Variants in CDH4 observed in about 807,000 individuals in gnomAD.
CDH4 encodes cadherin 4, also known as cadherin-4.
A neutral mutation model predicts 86.0 loss-of-function variants in CDH4; 33 were observed. The observed-to-expected ratio is 0.38, with a 90% confidence interval of 0.29 to 0.51. The LOEUF (loss-of-function observed/expected upper bound fraction) is 0.51, where lower values mean the gene tolerates loss of function less well. Among genes scored for constraint, CDH4 ranks in the 20% least tolerant of loss-of-function variants. The pLI, the probability that CDH4 is intolerant of heterozygous loss-of-function variation, is 0.86. For synonymous variants in CDH4, 555 were observed against 549.4 expected (o/e 1.01, Z -0.14); for missense variants, 1,114 against 1,307.4 (o/e 0.85, Z 2.28).
intron 7 of CDH4, among the ~76,000 whole-genome samples, chr20:61,874,573 C>CT (rs2146150525): frequency 6.6e-6 from 1 of 152,328 alleles, no homozygotes; most frequent in Non-Finnish European, 1.5e-5. Context: ...GGGCCTGCCT[C>CT]TGCTCTGAAG....
intron 2 of CDH4, among the ~76,000 whole-genome samples, chr20:61,561,221 A>G (rs985337465): frequency 3.3e-5 from 5 of 151,938 alleles, no homozygotes; most frequent in African/African-American, 7.3e-5. Context: ...ACCTCTGTTC[A>G]TGTCCTCTGC....
At chr20:61,313,918 A>G (rs1005982896) in intron 2 of CDH4, among the ~76,000 whole-genome samples, 2 of 152,112 alleles carry the variant, frequency 1.3e-5, no homozygotes, top group South Asian at 4.1e-4. Flanking sequence ...TGTTTTTTGT[A>G]GAGATGGGGT....
intron 2 of CDH4, among the ~76,000 whole-genome samples, chr20:61,452,925 T>G (rs1412792806): frequency 6.6e-6 from 1 of 152,236 alleles, no homozygotes; most frequent in Non-Finnish European, 1.5e-5. Context: ...CCAGTCTGCC[T>G]TCTTATAATA....
In CDH4 at chr20:61,547,708, C is replaced by T. The variant is rs114569060; in HGVS notation, c.170-195855C>T. Among the ~76,000 whole-genome samples the T allele has an allele frequency of 5.0e-3, 768 of 152,302 alleles. 4 individuals carry two copies. The highest frequency in any genetic ancestry group is 0.017 in the African/African-American group (711 of 41,570). ...CCCGAGCTCCTGCCCCTGCAGACAGCGCAGGAGCAGCCTTTTCCCACCTGA... is the reference window on the plus strand; with the variant it reads ...CCCGAGCTCCTGCCCCTGCAGACAGTGCAGGAGCAGCCTTTTCCCACCTGA... On this transcript the variant is annotated intron_variant, in intron 2 of 15. Coordinates refer to ENST00000614565, the MANE Select transcript of CDH4 (RefSeq NM_001794.5).
intron 7 of CDH4, among the ~76,000 whole-genome samples, chr20:61,894,253 C>T (rs115556234): frequency 0.023 from 3,570 of 152,282 alleles, 69 homozygotes; most frequent in East Asian, 0.08. Flanking sequence ...CCAGCAAGGG[C>T]CCTGAGGAGA....
intron 2 of CDH4, among the ~76,000 whole-genome samples, chr20:61,560,768 G>A (rs563440134): frequency 3.7e-4 from 57 of 152,242 alleles, no homozygotes; most frequent in Non-Finnish European, 7.5e-4. Context: ...GCCCCAGAAG[G>A]AGCCCGGGTC....
chr20:61,382,770 G>A (rs1196065893), intron 2 of CDH4, among the ~76,000 whole-genome samples: 1 of 152,048 alleles, frequency 6.6e-6, no homozygotes, highest in African/African-American at 2.4e-5. Context: ...CTCCCTTCTT[G>A]AGAGGTCACC....
intron 4 of CDH4, among the ~76,000 whole-genome samples, chr20:61,791,882 T>G: frequency 6.8e-6 from 1 of 147,530 alleles, no homozygotes. Flanking sequence ...GGTGAAAATA[T>G]GAGTGAGGGA....
intron 2 of CDH4, among the ~76,000 whole-genome samples, chr20:61,338,626 A>C (rs1041394655): frequency 6.6e-6 from 1 of 152,186 alleles, no homozygotes; most frequent in African/African-American, 2.4e-5. Flanking sequence ...GACCCTCCAG[A>C]CTAAGTTGCT....
At position 61,572,988 on chromosome 20, in the gene CDH4, A is replaced by AGACG. The variant is rs374461378; in HGVS notation, c.170-170564_170-170561dup. ...TGGGTGGAAGGATGGATGGACGGAT[A>AGACG]GACGGACGGACGGATGGATGGATTG... On this transcript the variant is annotated intron_variant, in intron 2 of 15. Transcript: ENST00000614565. 2.8e-5 allele frequency among the ~76,000 whole-genome samples: 4 copies of AGACG among 145,196 alleles called. No individual in the cohort carries two copies. The East Asian group carries it at 6.0e-4, about 22-fold the overall frequency.
At chr20:61,757,521 C>T (rs995547453) in intron 3 of CDH4, among the ~76,000 whole-genome samples, 2 of 152,224 alleles carry the variant, frequency 1.3e-5, no homozygotes, top group Non-Finnish European at 2.9e-5. Context: ...GCTGCAGGGG[C>T]GGCCCCAGAC....
intron 2 of CDH4, among the ~76,000 whole-genome samples, chr20:61,349,202 A>T (rs6124086): frequency 1.7e-4 from 26 of 151,972 alleles, no homozygotes; most frequent in African/African-American, 2.4e-4. Flanking sequence ...GGTCATCAGG[A>T]ACAGACAGCG....
chr20:61,691,860 G>A (rs150071160), intron 2 of CDH4, among the ~76,000 whole-genome samples: 395 of 151,248 alleles, frequency 2.6e-3, no homozygotes, highest in Admixed American at 4.7e-3. Context: ...ACTGTGTATC[G>A]CACACCTGTC....
At position 61,302,214 on chromosome 20, in the gene CDH4, G is replaced by A. The variant is rs151280975; in HGVS notation, c.169+47277G>A. On this transcript the variant is annotated intron_variant, in intron 2 of 15. Coordinates refer to ENST00000614565, the MANE Select transcript of CDH4 (RefSeq NM_001794.5). ...ATGGTCGAGCCCTCACCACAGGGCC[G>A]GTTTCCGTGTGAGGGCCAGGGAGCT... Among the ~76,000 whole-genome samples, 600 of 152,292 alleles carry A rather than the reference G, an allele frequency of 3.9e-3. 6 individuals are homozygous for A. The highest frequency in any genetic ancestry group is 0.014 in the African/African-American group (568 of 41,558).
At position 61,902,566 on chromosome 20, in the gene CDH4, G is replaced by A. The variant is rs550024398; in HGVS notation, c.1188+7519G>A. On this transcript the variant is annotated intron_variant, in intron 8 of 15. Transcript: ENST00000614565. This position sits in a 1 kb window ranked among gnomAD's most constrained non-coding sequence, Gnocchi z 4.6. ...AATGGTCTGGAGAGTAAATGTTTGC[G>A]CTTTGGCTGCCGGAAGGTCTCCGTG... 3.0e-4 allele frequency among the ~76,000 whole-genome samples: 46 copies of A among 152,230 alleles called. No homozygotes were observed. Among genetic ancestry groups the A allele is most frequent in the Admixed American group, 1.1e-3 (17 of 15,282 alleles).
chr20:61,923,259 C>T (rs532081896), intron 9 of CDH4, among the ~76,000 whole-genome samples, 192 bp from the exon 10 acceptor site: 94 of 152,342 alleles, frequency 6.2e-4, no homozygotes, highest in Non-Finnish European at 1.3e-3. Context: ...ATCGGCCAAA[C>T]CCAGCAGGAA....
At chr20:61,303,432 G>T (rs1048929669) in intron 2 of CDH4, among the ~76,000 whole-genome samples, 2 of 148,618 alleles carry the variant, frequency 1.3e-5, no homozygotes, top group Non-Finnish European at 3.0e-5. Flanking sequence ...CCGTATCCAC[G>T]CCCTGCCCCG....
In CDH4 at chr20:61,312,576, C is replaced by G. The variant is rs368159304; in HGVS notation, c.169+57639C>G. On this transcript the variant is annotated intron_variant, in intron 2 of 15. Transcript: ENST00000614565. ...AGTCCCCACCATCAGGACTGCACCC[C>G]CTTCTTTGCTGAGGCCCAGCTGGGA... is the stretch of plus-strand genomic sequence containing the variant. Among the ~76,000 whole-genome samples, 669 of 152,186 alleles carry G rather than the reference C, an allele frequency of 4.4e-3. 7 individuals carry two copies. Among genetic ancestry groups the G allele is most frequent in the African/African-American group, 0.015 (639 of 41,502 alleles).
chr20:61,458,926 T>A (rs1189569916), intron 2 of CDH4, among the ~76,000 whole-genome samples: 1 of 151,400 alleles, frequency 6.6e-6, no homozygotes, highest in Non-Finnish European at 1.5e-5. Flanking sequence ...CTCTTGTTCT[T>A]CCTACATCTG....
Sources: allele counts gnomAD v4.1 joint callset (sites outside exome capture counted in the v4.1 genomes callset), GRCh38; gene constraint gnomAD v4.1.1; non-coding constraint Gnocchi (gnomAD v3.1); transcripts MANE v1.5; gene names NCBI Gene and HGNC (gene_info 2026-07-23, HGNC 2026-07-21).